The following PCDHGA2 variants were observed in gnomAD, a reference collection of about 807,000 sequenced individuals.
PCDHGA2 encodes the protein protocadherin gamma subfamily A, 2, also known as protocadherin gamma-A2.
A neutral mutation model predicts 59.2 loss-of-function variants in PCDHGA2; 40 were observed. The observed-to-expected ratio is 0.68, with a 90% CI of 0.52 to 0.88. The LOEUF is 0.88. PCDHGA2 is among the 40% of genes least tolerant of loss of function. PCDHGA2 has a pLI of 0.00. For missense variants in PCDHGA2, 1,226 were observed against 1,204.0 expected (o/e 1.02, Z -0.27); for synonymous variants, 560 against 526.0 (o/e 1.06, Z -0.89).
At chr5:141,419,529 A>G (rs2096395609) in intron 1 of PCDHGA2, 2 of 1,612,082 alleles carry the variant, frequency 1.2e-6, no homozygotes, top group Non-Finnish European at 1.7e-6. Context: ...GACCGTAACG[A>G]CAACGCACCG....
chr5:141,356,294 T>C (rs1309324816), intron 1 of PCDHGA2: 1 of 1,554,208 alleles, frequency 6.4e-7, no homozygotes, highest in Non-Finnish European at 8.7e-7. Flanking sequence ...CCGGGTACAG[T>C]AATTGCACTT....
intron 1 of PCDHGA2, among the ~76,000 whole-genome samples, chr5:141,469,031 C>T (rs963001535): frequency 1.3e-5 from 2 of 152,070 alleles, no homozygotes; most frequent in Admixed American, 6.6e-5. Flanking sequence ...AATCCCAGCA[C>T]TTTGGGAGGC....
intron 1 of PCDHGA2, chr5:141,361,956 C>T: frequency 1.9e-6 from 3 of 1,603,312 alleles, no homozygotes; most frequent in Non-Finnish European, 1.7e-6. Flanking sequence ...TGTCCTACCA[C>T]GTGCTGCAGG....
chr5:141,399,091 G>A (rs1299050213), intron 1 of PCDHGA2: 2 of 1,613,762 alleles, frequency 1.2e-6, no homozygotes, highest in South Asian at 1.1e-5. Context: ...GGATGGTGGT[G>A]GACTGGTTGC....
rs1562059777 is a variant in PCDHGA2, at chr5:141,477,098, G to C, written c.2425-17709G>C. 6.2e-7 allele frequency: 1 copy of C among 1,614,242 alleles called. No individual in the cohort carries two copies. Among genetic ancestry groups the C allele is most frequent in the Non-Finnish European group, 8.5e-7 (1 of 1,180,046 alleles). ...GATTTACATCCAGGCCAAAGACAAG[G>C]GCGCCAATCCCGAAGGAGCACATTG... On this transcript the variant is annotated intron_variant, in intron 1 of 3. Transcript: ENST00000394576. This position sits in a 1 kb window ranked among gnomAD's most constrained non-coding sequence, Gnocchi z 4.9.
intron 1 of PCDHGA2, chr5:141,408,023 A>G (rs2095028170): frequency 1.9e-6 from 2 of 1,054,662 alleles, no homozygotes; most frequent in Middle Eastern, 3.2e-4. Context: ...CCAACAACAG[A>G]AAGAAGAAAA....
intron 1 of PCDHGA2, chr5:141,366,740 C>T (rs541987209): frequency 1.9e-5 from 30 of 1,611,948 alleles, no homozygotes; most frequent in Non-Finnish European, 2.3e-5. Context: ...CAAAGAAGAA[C>T]GGCGAGTTCA....
In PCDHGA2 at chr5:141,340,274, G is replaced by C. The variant is rs1452914479; in HGVS notation, c.1303G>C (p.Asp435His). 1 of 1,614,126 alleles carries C rather than the reference G, an allele frequency of 6.2e-7. No individual in the cohort carries two copies. The highest frequency in any genetic ancestry group is 1.1e-5 in the South Asian group (1 of 91,084). Residue 435 changes from aspartate (D) to histidine (H), a missense_variant, in exon 1 of 4, where the codon GAT becomes CAT. Physicochemically the swap from Asp to His is moderately conservative, Grantham distance 81. Coordinates refer to ENST00000394576, the MANE Select transcript of PCDHGA2 (RefSeq NM_018915.4). ...KDGGNPSLSTDAHILLQVADI... is the reference protein window; with the variant it reads ...KDGGNPSLSTHAHILLQVADI... ...TGGAGGGAACCCCTCCCTGTCCACG[G>C]ATGCTCACATTTTGCTCCAGGTGGC... is the stretch of plus-strand genomic sequence containing the variant.
chr5:141,468,159 T>C (rs1408861467), intron 1 of PCDHGA2, among the ~76,000 whole-genome samples: 2 of 151,760 alleles, frequency 1.3e-5, no homozygotes, highest in Admixed American at 6.6e-5. Context: ...ACCCTGTCTC[T>C]GCTAAAAATA....
At chr5:141,372,930 T>C (rs1381737731) in intron 1 of PCDHGA2, 2 of 884,806 alleles carry the variant, frequency 2.3e-6, no homozygotes, top group East Asian at 2.7e-5. Flanking sequence ...TTTTCTGGTG[T>C]AGAGTAGGGT....
intron 1 of PCDHGA2, among the ~76,000 whole-genome samples, chr5:141,447,535 G>T (rs1366016262): frequency 3.3e-5 from 5 of 152,162 alleles, no homozygotes; most frequent in Admixed American, 6.5e-5. Flanking sequence ...AAATTGTTGG[G>T]TTTTAATGTT....
intron 1 of PCDHGA2, chr5:141,346,133 C>T (rs762993564): frequency 4.3e-6 from 7 of 1,613,856 alleles, no homozygotes; most frequent in African/African-American, 2.7e-5. Context: ...TGGCCGCGGT[C>T]TCCTGCGTCT....
At position 141,489,662 on chromosome 5, in the gene PCDHGA2, G is replaced by A. The variant is rs2233601; in HGVS notation, c.2425-5145G>A. On this transcript the variant is annotated intron_variant, in intron 1 of 3. Coordinates refer to ENST00000394576, the MANE Select transcript of PCDHGA2 (RefSeq NM_018915.4). This position sits in a 1 kb window ranked among gnomAD's most constrained non-coding sequence, Gnocchi z 4.5. ...TTTGCCACCCCTGAGCGAGAGATGC[G>A]CATCTCAGAATCAGCAGCATCTGGG... The A allele has an allele frequency of 4.0e-4, 649 of 1,614,144 alleles. 2 individuals are homozygous for A. The highest frequency in any genetic ancestry group is 1.5e-3 in the Middle Eastern group (9 of 6,062).
intron 1 of PCDHGA2, chr5:141,385,293 G>A: frequency 6.2e-7 from 1 of 1,613,166 alleles, no homozygotes; most frequent in Non-Finnish European, 8.5e-7. Flanking sequence ...TAGATTTTCA[G>A]GAATGTAAAG....
chr5:141,367,849 G>A (rs903459046), intron 1 of PCDHGA2: 3 of 152,008 alleles, frequency 2.0e-5, no homozygotes, highest in Admixed American at 1.3e-4. Flanking sequence ...TGCAATGTTA[G>A]CGTTTCTTTA....
At chr5:141,415,458 C>G (rs2095871921) in intron 1 of PCDHGA2, 7 of 1,614,204 alleles carry the variant, frequency 4.3e-6, no homozygotes, top group Non-Finnish European at 5.1e-6. Context: ...CCCACGAGGT[C>G]TCTCTCACCG....
At chr5:141,418,769 C>A (rs1488222030) in intron 1 of PCDHGA2, 2 of 1,613,828 alleles carry the variant, frequency 1.2e-6, no homozygotes, top group East Asian at 4.5e-5. Flanking sequence ...CATTCTAACT[C>A]AGCAGCCTTT....
At chr5:141,463,075 A>G (rs943294678) in intron 1 of PCDHGA2, among the ~76,000 whole-genome samples, 3 of 152,180 alleles carry the variant, frequency 2.0e-5, no homozygotes, top group East Asian at 1.9e-4. Context: ...ATGAAATTCA[A>G]ACATTTTCCA....
At position 141,486,047 on chromosome 5, in the gene PCDHGA2, C is replaced by G. The variant is rs763394605; in HGVS notation, c.2425-8760C>G. The G allele has an allele frequency of 3.1e-6, 5 of 1,614,172 alleles. No homozygotes were observed. The East Asian group carries it at 6.7e-5, about 22-fold the overall frequency. On this transcript the variant is annotated intron_variant, in intron 1 of 3. Transcript: ENST00000394576. This position sits in a 1 kb window ranked among gnomAD's most constrained non-coding sequence, Gnocchi z 5.0. ...TCATACCCCTGATCGTGTAAGAAAC[C>G]TCTTTAGCCTGCACCCCACTACTGG...
Sources: allele counts gnomAD v4.1 joint callset (sites outside exome capture counted in the v4.1 genomes callset), GRCh38; gene constraint gnomAD v4.1.1; non-coding constraint Gnocchi (gnomAD v3.1); transcripts MANE v1.5; gene names NCBI Gene and HGNC (gene_info 2026-07-23, HGNC 2026-07-21).